Variants in WNT7B observed in about 807,000 individuals in gnomAD.
WNT7B encodes the protein protein Wnt-7b.
In WNT7B, 19 loss-of-function variants were observed where a neutral mutation model predicts 38.2. The observed-to-expected ratio is 0.50, with a 90% confidence interval of 0.35 to 0.73. WNT7B has a LOEUF of 0.73. Ranked by LOEUF, WNT7B falls within the 30% of genes least tolerant of loss-of-function variation. The pLI is 0.01. For missense variants in WNT7B, 423 were observed against 507.9 expected (o/e 0.83, Z 1.61); for synonymous variants, 243 against 209.3 (o/e 1.16, Z -1.39).
At chr22:45,938,638 GAA>G (rs948397243) in intron 2 of WNT7B, among the ~76,000 whole-genome samples, 1 of 148,404 alleles carries the variant, frequency 6.7e-6, no homozygotes, top group East Asian at 2.0e-4. Flanking sequence ...AATCTGTCTT[GAA>G]AAAAAAAAGA....
At chr22:45,935,693 G>A (rs1305736378) in intron 2 of WNT7B, among the ~76,000 whole-genome samples, 1 of 152,142 alleles carries the variant, frequency 6.6e-6, no homozygotes. Flanking sequence ...CCATGCATGA[G>A]CAGGTCTGGA....
At chr22:45,960,447 C>CA (rs1174489681) in intron 1 of WNT7B, among the ~76,000 whole-genome samples, 1 of 140,636 alleles carries the variant, frequency 7.1e-6, no homozygotes, top group African/African-American at 2.5e-5. Context: ...GCCCTACGCT[C>CA]ACCTTGGTCA....
In WNT7B at chr22:45,921,052, A is replaced by C. The variant is rs113866700; in HGVS notation, c.*1804T>G. ...AGCCCAGGAGGGACCCACTTGCCCCAGGCTGAGCCCAGGCCCTTGGCTTGT... is the reference window on the plus strand; with the variant it reads ...AGCCCAGGAGGGACCCACTTGCCCCCGGCTGAGCCCAGGCCCTTGGCTTGT... On this transcript the variant is annotated 3_prime_UTR_variant, in exon 4 of 4. Coordinates refer to ENST00000339464, the MANE Select transcript of WNT7B (RefSeq NM_058238.3). 2,647 of 152,412 alleles carry C rather than the reference A, an allele frequency of 0.017. 70 individuals are homozygous for C. Among genetic ancestry groups the C allele is most frequent in the African/African-American group, 0.061 (2,540 of 41,558 alleles). 9.4% of individuals were successfully genotyped at this position (152,412 alleles called of 1,614,324 possible).
intron 1 of WNT7B, chr22:45,972,116 G>GGGGCCCCCCCCCCCCCCCCCCC: frequency 1.9e-6 from 1 of 530,736 alleles, no homozygotes; most frequent in Non-Finnish European, 3.3e-6. Flanking sequence ...CCCGGGGGGA[G>GGGGCCCCCCCCCCCCCCCCCCC]CCCACCCGCC....
Position 45,922,991 on chromosome 22 carries a change from G to T in WNT7B, c.915C>A (p.Asp305Glu), listed in dbSNP as rs779441930. 3.7e-6 allele frequency: 6 copies of T among 1,613,078 alleles called. No individual in the cohort carries two copies. The highest frequency in any genetic ancestry group is 5.1e-6 in the Non-Finnish European group (6 of 1,179,822). ...NRTSPGADGC[D>E]TMCCGRGYNT... ...TGTAGCCTCGGCCGCAGCACATGGT[G>T]TCACAGCCGTCCGCGCCGGGCGACG... Residue 305 changes from aspartate (D) to glutamate (E), a missense_variant, in exon 4 of 4, where the codon GAC becomes GAA. By Grantham distance (45) the Asp-to-Glu change is conservative. Transcript: ENST00000339464.
intron 1 of WNT7B, among the ~76,000 whole-genome samples, chr22:45,970,878 G>A (rs1053337237): frequency 6.6e-6 from 1 of 152,202 alleles, no homozygotes; most frequent in African/African-American, 2.4e-5. Flanking sequence ...CTGCTGCCCC[G>A]CCCCCCTCAG....
Position 45,922,644 on chromosome 22 carries a change from G to A in WNT7B, c.*212C>T, listed in dbSNP as rs115577190. ...GGTGGGTCACGGGTGCTGTTCTGCC[G>A]CAGGAGGTGATGGGAGGAGGTGGCA... On this transcript the variant is annotated 3_prime_UTR_variant, in exon 4 of 4. Transcript: ENST00000339464. The A allele has an allele frequency of 1.4e-3, 1,099 of 766,520 alleles. 3 individuals carry two copies. In the African/African-American group the frequency reaches 0.016, roughly 11 times the overall value. The allele number at this position is 766,520 out of a possible 1,614,324, so 47.5% of individuals were successfully genotyped here. A position where few individuals can be genotyped will look rare whatever the true frequency, so the allele number is the denominator to read the frequency against.
intron 2 of WNT7B, among the ~76,000 whole-genome samples, chr22:45,942,538 A>G (rs1931674271): frequency 6.6e-6 from 1 of 152,236 alleles, no homozygotes; most frequent in African/African-American, 2.4e-5. Flanking sequence ...GAAGGATCAG[A>G]AGCCCAGAGC....
chr22:45,947,806 C>T (rs144639422), intron 2 of WNT7B, among the ~76,000 whole-genome samples: 24 of 152,280 alleles, frequency 1.6e-4, no homozygotes, highest in African/African-American at 4.8e-4. Context: ...GCTTCTGAAA[C>T]GCTCGGGAAA....
intron 3 of WNT7B, among the ~76,000 whole-genome samples, chr22:45,929,891 T>TCCATCCAACCATCTAC (rs1569111539): frequency 2.0e-5 from 3 of 150,486 alleles, no homozygotes; most frequent in African/African-American, 7.4e-5. Context: ...TACCCACTCA[T>TCCATCCAACCATCTAC]CCACTCATCT....
In WNT7B at chr22:45,923,010, G is replaced by C. The variant is rs766125884; in HGVS notation, c.896C>G (p.Pro299Arg). 3.1e-6 allele frequency: 5 copies of C among 1,612,846 alleles called. No homozygotes were observed. The East Asian group carries it at 1.1e-4, about 36-fold the overall frequency. The change falls in exon 4 of 4, where the codon CCC becomes CGC. Residue 299 changes from proline (P) to arginine (R), a missense_variant. Pro to Arg is a moderately radical substitution (Grantham distance 103). Around this residue, in one of 3 missense-constraint regions of WNT7B, gnomAD observed 158 missense variants for 214.7 expected, o/e 0.74. Transcript: ENST00000339464. Reference sequence around the variant, plus strand: ...CATGGTGTCACAGCCGTCCGCGCCGGGCGACGTGCGGTTGCAGAGACGGCC... The same window carrying C: ...CATGGTGTCACAGCCGTCCGCGCCGCGCGACGTGCGGTTGCAGAGACGGCC... ...TQGRLCNRTSPGADGCDTMCC... is the reference protein window; with the variant it reads ...TQGRLCNRTSRGADGCDTMCC...
At chr22:45,972,176 A>C (rs1459574871) in intron 1 of WNT7B, 1 of 533,656 alleles carries the variant, frequency 1.9e-6, no homozygotes, top group Non-Finnish European at 3.5e-6. Context: ...GCTGGACAGG[A>C]GGAGAAAGAT....
At chr22:45,929,590 A>T (rs1931232179) in intron 3 of WNT7B, among the ~76,000 whole-genome samples, 1 of 139,798 alleles carries the variant, frequency 7.2e-6, no homozygotes, top group African/African-American at 2.6e-5. Context: ...ACTTCCATCC[A>T]TTCATGCATC....
At chr22:45,938,726 C>T (rs1347266802) in intron 2 of WNT7B, among the ~76,000 whole-genome samples, 3 of 151,834 alleles carry the variant, frequency 2.0e-5, no homozygotes, top group Non-Finnish European at 4.4e-5. Flanking sequence ...CAGTTAAGAA[C>T]AACATGTTGT....
intron 3 of WNT7B, among the ~76,000 whole-genome samples, chr22:45,929,245 C>T (rs561861818): frequency 1.5e-4 from 23 of 152,312 alleles, no homozygotes; most frequent in Admixed American, 3.3e-4. Context: ...TCTCAAGGTT[C>T]GTAGGCCTCC....
Position 45,923,185 on chromosome 22 carries a change from C to G in WNT7B, c.721G>C (p.Val241Leu). ...KYNAAVQVEV[V>L]RASRLRQPTF... ...GGCTGCCGCAGACGGCTGGCCCGCA[C>G]CACCTCCACCTGCACGGCCGCGTTG... The change falls in exon 4 of 4, where the codon GTG becomes CTG. Residue 241 changes from valine to leucine, a missense_variant. Val to Leu is a conservative substitution (Grantham distance 32). Around this residue, in one of 3 missense-constraint regions of WNT7B, gnomAD observed 158 missense variants for 214.7 expected, o/e 0.74. Coordinates refer to ENST00000339464, the MANE Select transcript of WNT7B (RefSeq NM_058238.3). 6.2e-7 allele frequency: 1 copy of G among 1,613,158 alleles called. No homozygotes were observed. Among genetic ancestry groups the G allele is most frequent in the Non-Finnish European group, 8.5e-7 (1 of 1,180,020 alleles).
intron 1 of WNT7B, among the ~76,000 whole-genome samples, chr22:45,970,671 C>T (rs1932414853): frequency 6.6e-6 from 1 of 152,254 alleles, no homozygotes; most frequent in Non-Finnish European, 1.5e-5. Flanking sequence ...TGCCAATTCT[C>T]TAGCAAGGCC....
At chr22:45,940,012 G>A (rs745799148) in intron 2 of WNT7B, among the ~76,000 whole-genome samples, 11 of 152,232 alleles carry the variant, frequency 7.2e-5, no homozygotes, top group Middle Eastern at 3.4e-3. Flanking sequence ...GTTTCTTTCT[G>A]GGGTGATGAA....
At chr22:45,936,309 G>A (rs1482908150) in intron 2 of WNT7B, among the ~76,000 whole-genome samples, 2 of 152,234 alleles carry the variant, frequency 1.3e-5, no homozygotes, top group Non-Finnish European at 2.9e-5. Flanking sequence ...GAATGGGCAT[G>A]GTACCCACAT....
Sources: gnomAD v4.1 joint callset for allele counts (sites outside exome capture counted in the v4.1 genomes callset) on GRCh38, gnomAD v4.1.1 for gene constraint, gnomAD v4.1.1 regional missense constraint, MANE v1.5 for transcripts, NCBI Gene and HGNC (gene_info 2026-07-23, HGNC 2026-07-21) for gene names.